The following TIMM23B variants were observed in gnomAD, a reference collection of about 807,000 sequenced individuals.
TIMM23B encodes mitochondrial import inner membrane translocase subunit Tim23B.
A neutral mutation model predicts 27.3 loss-of-function variants in TIMM23B; 27 were observed. The observed-to-expected ratio is 0.99, with a 90% CI of 0.73 to 1.36. TIMM23B has a LOEUF of 1.36. Among genes scored for constraint, TIMM23B ranks in the 40% most tolerant of loss-of-function variants. The pLI is 0.00. For synonymous variants in TIMM23B, 73 were observed against 92.4 expected (o/e 0.79, Z 1.21); for missense variants, 205 against 244.2 (o/e 0.84, Z 1.07).
chr10:49,942,301 G>C lies in TIMM23B; in HGVS notation c.106+1G>C, dbSNP rs1233698093. The C allele has an allele frequency of 2.1e-5, 33 of 1,608,594 alleles. No individual in the cohort carries two copies. Among genetic ancestry groups the C allele is most frequent in the African/African-American group, 6.7e-5 (5 of 74,752 alleles). On this transcript the variant is annotated splice_donor_variant, in intron 1 of 6. Transcript: ENST00000651259. LOFTEE classifies it high-confidence loss of function. ...CACGCGGATTTGGCTGGCGTCCCGCGTAAGTATGGGGCCTAGCTTGCGATT... is the reference window on the plus strand; with the variant it reads ...CACGCGGATTTGGCTGGCGTCCCGCCTAAGTATGGGGCCTAGCTTGCGATT...
chr10:49,947,631 T>G (rs1260788984), intron 2 of TIMM23B, among the ~76,000 whole-genome samples: 75 of 149,448 alleles, frequency 5.0e-4, no homozygotes, highest in African/African-American at 1.3e-3. Flanking sequence ...AATAAATAAA[T>G]AAAGAATGGA....
intron 6 of TIMM23B, among the ~76,000 whole-genome samples, chr10:49,972,194 A>C (rs1840480707): frequency 6.6e-6 from 1 of 152,254 alleles, no homozygotes; most frequent in African/African-American, 2.4e-5. Context: ...CATCAGCTGT[A>C]GACACTGACA....
intron 2 of TIMM23B, among the ~76,000 whole-genome samples, chr10:49,951,375 G>T (rs1246943586): frequency 0.91 from 137,580 of 151,936 alleles, 62,744 homozygotes; most frequent in African/African-American, 0.95. Flanking sequence ...GATGGAAAGC[G>T]TGCCAAAAAT....
At chr10:49,950,172 G>C (rs1442794924) in intron 2 of TIMM23B, among the ~76,000 whole-genome samples, 347 of 148,280 alleles carry the variant, frequency 2.3e-3, no homozygotes, top group East Asian at 0.01. Flanking sequence ...TGTTAAACAC[G>C]CAAAATTATA....
chr10:49,949,877 G>T (rs1839468546), intron 2 of TIMM23B, among the ~76,000 whole-genome samples: 7 of 150,890 alleles, frequency 4.6e-5, no homozygotes, highest in Admixed American at 4.6e-4. Context: ...TAGACACAGG[G>T]TCTCACTGTG....
At chr10:49,946,009 G>T (rs1397874274) in intron 2 of TIMM23B, among the ~76,000 whole-genome samples, 100 of 150,970 alleles carry the variant, frequency 6.6e-4, no homozygotes, top group Admixed American at 9.3e-4. Flanking sequence ...GGCCAACATA[G>T]CGAAACGCTG....
At chr10:49,942,763 G>A (rs1278319218) in intron 1 of TIMM23B, among the ~76,000 whole-genome samples, 3 of 152,018 alleles carry the variant, frequency 2.0e-5, no homozygotes, top group Admixed American at 1.3e-4. Context: ...TATGACTTGG[G>A]ACAGGCTAGG....
rs1274951717 is a variant in TIMM23B at position 49,942,272 on chromosome 10, C to T, written c.78C>T (p.Tyr26=). The change falls in exon 1 of 7, where the codon TAC becomes TAT. Residue 26 remains tyrosine (Y), a synonymous_variant. Transcript: ENST00000651259. ...AGFFGAGEAG[Y]SHADLAGVPL... is the part of the protein sequence containing the mutation. ...TTTTCGGAGCCGGCGAAGCAGGTTA[C>T]TCGCACGCGGATTTGGCTGGCGTCC... 12 of 1,612,490 alleles carry T rather than the reference C, an allele frequency of 7.4e-6. No individual in the cohort carries two copies. The highest frequency in any genetic ancestry group is 1.6e-4 in the Middle Eastern group (1 of 6,076).
At chr10:49,958,565 CTG>C (rs1316596018) in intron 6 of TIMM23B, 85 bp downstream of exon 6, 4 of 1,073,150 alleles carry the variant, frequency 3.7e-6, no homozygotes, top group African/African-American at 3.1e-5. Context: ...AAATTACACT[CTG>C]TTGCAGTATA....
chr10:49,955,334 C>A (rs1839679986), intron 5 of TIMM23B, among the ~76,000 whole-genome samples: 1 of 152,158 alleles, frequency 6.6e-6, no homozygotes, highest in African/African-American at 2.4e-5. Context: ...CCAATAAAAT[C>A]ATGTTTAAAT....
At chr10:49,965,776 G>GCGC (rs1554855327) in intron 6 of TIMM23B, among the ~76,000 whole-genome samples, 8 of 151,306 alleles carry the variant, frequency 5.3e-5, no homozygotes, top group Non-Finnish European at 7.4e-5. Flanking sequence ...ACTCCAGCCT[G>GCGC]GGTAATGGAG....
At position 49,942,294 on chromosome 10, in the gene TIMM23B, G is replaced by T. The variant is rs1839139492; in HGVS notation, c.100G>T (p.Val34Phe). The T allele has an allele frequency of 1.2e-6, 2 of 1,610,340 alleles. No homozygotes were observed. The highest frequency in any genetic ancestry group is 1.7e-6 in the Non-Finnish European group (2 of 1,178,188). ...AGYSHADLAG[V>F]PLTGMNPLCP... is the part of the protein sequence containing the mutation. ...TTACTCGCACGCGGATTTGGCTGGC[G>T]TCCCGCGTAAGTATGGGGCCTAGCT... Residue 34 changes from valine (V) to phenylalanine (F), a missense_variant, in exon 1 of 7, where the codon GTC (valine) becomes TTC (phenylalanine). Coordinates refer to ENST00000651259, the MANE Select transcript of TIMM23B (RefSeq NM_001290117.2).
chr10:49,961,308 G>A (rs1231694153), intron 6 of TIMM23B, among the ~76,000 whole-genome samples: 2 of 149,026 alleles, frequency 1.3e-5, no homozygotes, highest in African/African-American at 2.5e-5. Context: ...GCTTGAACCT[G>A]GGAGGTGGAG....
intron 6 of TIMM23B, among the ~76,000 whole-genome samples, chr10:49,962,697 G>A (rs1839961574): frequency 6.6e-6 from 1 of 152,052 alleles, no homozygotes; most frequent in African/African-American, 2.4e-5. Flanking sequence ...TCTTTGTTCA[G>A]ATACCACCTT....
intron 6 of TIMM23B, among the ~76,000 whole-genome samples, chr10:49,967,334 A>G (rs1554855594): frequency 6.6e-6 from 1 of 152,244 alleles, no homozygotes; most frequent in Non-Finnish European, 1.5e-5. Flanking sequence ...CTATACTTAG[A>G]GTGCCTAAGG....
At chr10:49,945,851 C>T (rs1285677666) in intron 2 of TIMM23B, among the ~76,000 whole-genome samples, 2 of 151,846 alleles carry the variant, frequency 1.3e-5, no homozygotes, top group African/African-American at 2.4e-5. Context: ...TCAATAGATT[C>T]ACAAAAATCA....
intron 5 of TIMM23B, among the ~76,000 whole-genome samples, chr10:49,956,102 G>C (rs1349479190): frequency 1.6e-5 from 2 of 127,946 alleles, no homozygotes. Context: ...TGTACCCATT[G>C]TGGTATGATC....
At chr10:49,969,884 C>T (rs1298643225) in intron 6 of TIMM23B, among the ~76,000 whole-genome samples, 2 of 152,120 alleles carry the variant, frequency 1.3e-5, no homozygotes, top group African/African-American at 4.8e-5. Flanking sequence ...TCACTGCACC[C>T]TCCCTGCCTG....
At chr10:49,955,205 T>C in intron 5 of TIMM23B, 145 bp downstream of exon 5, 1 of 857,832 alleles carries the variant, frequency 1.2e-6, no homozygotes, top group Non-Finnish European at 1.9e-6. Flanking sequence ...ATGTAGATAC[T>C]ACTTAGGGAA....
Sources: gnomAD v4.1 joint callset for allele counts (sites outside exome capture counted in the v4.1 genomes callset) on GRCh38, gnomAD v4.1.1 for gene constraint, MANE v1.5 for transcripts, NCBI Gene and HGNC (gene_info 2026-07-23, HGNC 2026-07-21) for gene names.